Variants in MAPK6 observed in about 807,000 individuals in gnomAD.
MAPK6 encodes ERK-3.
A neutral mutation model predicts 59.3 loss-of-function variants in MAPK6; 19 were observed. The ratio of observed to expected loss-of-function variants is 0.32; its 90% CI spans 0.22 to 0.47. The LOEUF is 0.47. Ranked by LOEUF, MAPK6 falls within the 20% of genes least tolerant of loss-of-function variation. MAPK6 has a pLI of 1.00. For missense variants in MAPK6, 724 were observed against 847.9 expected, an observed-to-expected ratio of 0.85 and a Z score of 1.81; for synonymous variants, 316 against 290.3, an observed-to-expected ratio of 1.09 and a Z score of -0.90.
chr15:52,039,304 A>G (rs72732970), intron 1 of MAPK6, among the ~76,000 whole-genome samples: 21,719 of 152,156 alleles, frequency 0.14, 2,090 homozygotes, highest in East Asian at 0.44. Context: ...TACTAGTTGT[A>G]ATCTGGTTAC....
chr15:52,010,907 G>C (rs999714869), intron 3 of MAPK6: 2 of 152,170 alleles, frequency 1.3e-5, no homozygotes, highest in Admixed American at 1.3e-4. Context: ...AAAATCATTC[G>C]TGTGATCTGC....
chr15:52,030,263 G>A (rs2030975533), intron 1 of MAPK6, among the ~76,000 whole-genome samples: 1 of 152,204 alleles, frequency 6.6e-6, no homozygotes, highest in African/African-American at 2.4e-5. Context: ...TAGCTAACAT[G>A]TTTGTTGGTC....
At position 52,060,949 on chromosome 15, in the gene MAPK6, C is replaced by T. The variant is rs2032175784; in HGVS notation, c.866-350C>T. On this transcript the variant is annotated intron_variant, in intron 4 of 5. Transcript: ENST00000261845. ...AGTTTTAGTAGCCTATCCAGCACTA[C>T]AGTGCTAGTAATTGAGTTAAGCCAG... is the stretch of plus-strand genomic sequence containing the variant. Among the ~76,000 whole-genome samples the T allele has an allele frequency of 3.9e-5, 6 of 152,192 alleles. No homozygotes were observed. In the South Asian group the frequency reaches 1.2e-3, roughly 32 times the overall value.
rs1433532440 is a variant in MAPK6, at chr15:52,065,006, T to C, written c.*6T>C. The C allele has an allele frequency of 1.3e-6, 2 of 1,587,516 alleles. No individual in the cohort carries two copies. Among genetic ancestry groups the C allele is most frequent in the Non-Finnish European group, 1.7e-6 (2 of 1,163,932 alleles). The stretch of plus-strand genomic sequence containing the variant: ...TTCTGAAACATCTGAACTAAAACAC[T>C]CAGCAGACATTTATCTTTGTATTCT... On this transcript the variant is annotated 3_prime_UTR_variant, in exon 6 of 6. Transcript: ENST00000261845.
chr15:52,043,890 C>G (rs1049748537), intron 1 of MAPK6, among the ~76,000 whole-genome samples: 2 of 151,044 alleles, frequency 1.3e-5, no homozygotes, highest in African/African-American at 4.9e-5. Context: ...ATTATCCAGC[C>G]TTACCCTCCT....
At chr15:52,052,285 C>T (rs1180746831) in intron 3 of MAPK6, among the ~76,000 whole-genome samples, 1 of 152,150 alleles carries the variant, frequency 6.6e-6, no homozygotes, top group Non-Finnish European at 1.5e-5. Context: ...GGTTCCTCAC[C>T]ATGTGGGCTT....
chr15:51,984,292 T>G (rs1162830896), intron 2 of MAPK6, among the ~76,000 whole-genome samples: 1 of 152,014 alleles, frequency 6.6e-6, no homozygotes, highest in Non-Finnish European at 1.5e-5. Context: ...GAAACAAATT[T>G]TTTTTCTGAG....
At chr15:51,998,638 G>A (rs903522252) in intron 2 of MAPK6, among the ~76,000 whole-genome samples, 30 of 145,918 alleles carry the variant, frequency 2.1e-4, no homozygotes, top group African/African-American at 1.8e-4. Flanking sequence ...CTCCTGCCTC[G>A]GCCTCCCAAG....
chr15:52,058,662 AT>A lies in MAPK6; in HGVS notation c.734del (p.Leu245Ter). On this transcript the variant is annotated frameshift_variant, in exon 4 of 6. Coordinates refer to ENST00000261845, the MANE Select transcript of MAPK6 (RefSeq NM_002748.4). LOFTEE classifies it high-confidence loss of function. Reference protein sequence around the residue: ...GAHELEQMQLILESIPVVHEE... With the variant: ...GAHELEQMQLXLESIPVVHEE... ...ACATGAACTTGAACAGATGCAGCTGATTTTAGAATCTATTCCTGTTGTACAT... is the reference window on the plus strand; with the variant it reads ...ACATGAACTTGAACAGATGCAGCTGATTTAGAATCTATTCCTGTTGTACAT... 6.2e-7 allele frequency: 1 copy of A among 1,611,164 alleles called. No homozygotes were observed. Among genetic ancestry groups the A allele is most frequent in the Admixed American group, 1.7e-5 (1 of 59,596 alleles).
intron 1 of MAPK6, among the ~76,000 whole-genome samples, chr15:51,982,058 A>C (rs1272870257): frequency 6.6e-6 from 1 of 152,358 alleles, no homozygotes; most frequent in East Asian, 1.9e-4. Context: ...ACACAGAGAC[A>C]GAGAGAAACA....
intron 1 of MAPK6, among the ~76,000 whole-genome samples, chr15:52,025,115 C>A (rs1355211277): frequency 6.6e-6 from 1 of 152,014 alleles, no homozygotes; most frequent in East Asian, 1.9e-4. Context: ...GTGGTGCACA[C>A]CTTTAGTCCC....
chr15:52,040,312 T>C (rs2031377186), intron 1 of MAPK6, among the ~76,000 whole-genome samples: 1 of 152,214 alleles, frequency 6.6e-6, no homozygotes. Context: ...TGAGGCTGGC[T>C]AGGTTCCTGT....
Position 52,053,552 on chromosome 15 carries a change from GT to G in MAPK6, c.700+3423del, listed in dbSNP as rs201552416. ...TACATGTATTTTCTCCTATTCTGCAGTTTTTTTTCCCTTTCTTTATAGTGTC... is the reference window on the plus strand; with the variant it reads ...TACATGTATTTTCTCCTATTCTGCAGTTTTTTTCCCTTTCTTTATAGTGTC... On this transcript the variant is annotated intron_variant, in intron 3 of 5. Transcript: ENST00000261845. Among the ~76,000 whole-genome samples, 379 of 151,826 alleles carry G rather than the reference GT, an allele frequency of 2.5e-3. 2 individuals are homozygous for G. The highest frequency in any genetic ancestry group is 8.6e-3 in the African/African-American group (354 of 41,382).
At chr15:52,026,989 G>A (rs1315976006) in intron 1 of MAPK6, among the ~76,000 whole-genome samples, 3 of 151,714 alleles carry the variant, frequency 2.0e-5, no homozygotes, top group South Asian at 4.2e-4. Context: ...GGCGGAGGTT[G>A]CAGTGAGCCG....
intron 2 of MAPK6, among the ~76,000 whole-genome samples, chr15:51,999,088 C>T (rs547982333): frequency 6.6e-6 from 1 of 151,156 alleles, no homozygotes; most frequent in East Asian, 2.0e-4. Context: ...CTCCACCTCC[C>T]GAGTTCAAGC....
intron 4 of MAPK6, among the ~76,000 whole-genome samples, chr15:52,059,797 A>G (rs891917127): frequency 7.2e-5 from 11 of 152,230 alleles, no homozygotes; most frequent in African/African-American, 2.7e-4. Context: ...AAGTGAATGC[A>G]GAGTGGATGG....
At chr15:52,056,050 A>G (rs2031969254) in intron 3 of MAPK6, among the ~76,000 whole-genome samples, 1 of 152,238 alleles carries the variant, frequency 6.6e-6, no homozygotes, top group Admixed American at 6.5e-5. Context: ...ACGAAGGGAA[A>G]TCTGAGTGGT....
At chr15:52,032,686 T>A (rs1017285338) in intron 1 of MAPK6, among the ~76,000 whole-genome samples, 1 of 152,090 alleles carries the variant, frequency 6.6e-6, no homozygotes, top group Non-Finnish European at 1.5e-5. Context: ...AATACTTTTT[T>A]TCTTTTTTTG....
intron 2 of MAPK6, among the ~76,000 whole-genome samples, chr15:51,987,727 T>A (rs1034055169): frequency 1.3e-5 from 2 of 151,836 alleles, no homozygotes; most frequent in Non-Finnish European, 2.9e-5. Flanking sequence ...CTTTGGCACT[T>A]ACTCGTAGAT....
Sources: allele counts gnomAD v4.1 joint callset (sites outside exome capture counted in the v4.1 genomes callset), GRCh38; gene constraint gnomAD v4.1.1; transcripts MANE v1.5; gene names NCBI Gene and HGNC (gene_info 2026-07-23, HGNC 2026-07-21).